Variants in TRPC4AP observed in about 807,000 individuals in gnomAD.
TRPC4AP encodes transient receptor potential cation channel subfamily C member 4 associated protein.
In TRPC4AP, 45 loss-of-function variants were observed where a neutral mutation model predicts 99.0. The observed-to-expected ratio is 0.45, with a 90% CI of 0.36 to 0.58. The LOEUF (loss-of-function observed/expected upper bound fraction) is 0.58. Among genes scored for constraint, TRPC4AP ranks in the 20% least tolerant of loss-of-function variants. The pLI is 0.00. For synonymous variants in TRPC4AP, 408 were observed against 385.8 expected, an observed-to-expected ratio of 1.06 and a Z score of -0.67; for missense variants, 879 against 985.3, an observed-to-expected ratio of 0.89 and a Z score of 1.44.
chr20:35,067,747 C>T (rs2084180767), intron 3 of TRPC4AP, among the ~76,000 whole-genome samples: 1 of 152,102 alleles, frequency 6.6e-6, no homozygotes, highest in African/African-American at 2.4e-5. Flanking sequence ...GAAAAGAAGC[C>T]AGTCACAAAA....
intron 3 of TRPC4AP, among the ~76,000 whole-genome samples, chr20:35,060,135 G>T (rs565637399): frequency 6.6e-6 from 1 of 152,220 alleles, no homozygotes; most frequent in Non-Finnish European, 1.5e-5. Context: ...CCAAAAAACA[G>T]AAGAGAAGGA....
At chr20:35,041,827 C>T (rs888270983) in intron 7 of TRPC4AP, among the ~76,000 whole-genome samples, 2 of 152,332 alleles carry the variant, frequency 1.3e-5, no homozygotes, top group African/African-American at 4.8e-5. Context: ...AGTTTCCTCA[C>T]ATGTGCAATG....
intron 1 of TRPC4AP, among the ~76,000 whole-genome samples, chr20:35,091,050 ATT>A (rs796861590): frequency 8.4e-5 from 12 of 143,262 alleles, no homozygotes; most frequent in Non-Finnish European, 9.2e-5. Flanking sequence ...TATTTCTAGG[ATT>A]TTTTTTTTTT....
At position 35,004,547 on chromosome 20, in the gene TRPC4AP, G is replaced by A. The variant is rs371612752; in HGVS notation, c.1960C>T (p.Arg654Cys). The part of the protein sequence containing the change: ...MKVAEVLSEC[R>C]LLAYISQVPT... ...ACCTGGGATATGTAGGCGAGCAGGC[G>A]GCATTCAGACAGTACCTCGGCAACT... Residue 654 changes from arginine (R) to cysteine (C), a missense_variant, in exon 17 of 19, where the codon CGC becomes TGC. Arg to Cys is a radical substitution (Grantham distance 180). This residue lies in a region of TRPC4AP where 224 missense variants were observed against 264.7 expected (regional missense o/e 0.85). Transcript: ENST00000252015. The A allele has an allele frequency of 4.3e-5, 69 of 1,613,862 alleles. No individual in the cohort carries two copies. Among genetic ancestry groups the A allele is most frequent in the South Asian group, 5.5e-5 (5 of 91,038 alleles).
chr20:35,022,051 G>A (rs1259871029), intron 8 of TRPC4AP, among the ~76,000 whole-genome samples: 2 of 152,170 alleles, frequency 1.3e-5, no homozygotes, highest in Non-Finnish European at 2.9e-5. Context: ...CTCCTCACTA[G>A]GCCTTAGACT....
chr20:35,039,180 A>T (rs1198080025), intron 7 of TRPC4AP, among the ~76,000 whole-genome samples: 1 of 152,234 alleles, frequency 6.6e-6, no homozygotes, highest in Non-Finnish European at 1.5e-5. Flanking sequence ...GTTCTCAGCA[A>T]AAATAGCTCC....
At position 35,057,415 on chromosome 20, in the gene TRPC4AP, A is replaced by G. The variant is rs958699104; in HGVS notation, c.472+99T>C. 4.3e-6 allele frequency: 4 copies of G among 940,260 alleles called. No homozygotes were observed. The African/African-American group carries it at 6.6e-5, about 16-fold the overall frequency. 58.2% of individuals were successfully genotyped at this position (940,260 alleles called of 1,614,324 possible). A position where few individuals can be genotyped will look rare whatever the true frequency, so the allele number is the denominator to read the frequency against. Reference sequence around the variant, plus strand: ...GCTAAATGTAAGACATGTCCTTACTATTAAGAGTTAGGAAGGGAAGGAAGA... The same window carrying G: ...GCTAAATGTAAGACATGTCCTTACTGTTAAGAGTTAGGAAGGGAAGGAAGA... On this transcript the variant is annotated intron_variant, in intron 4 of 18. Transcript: ENST00000252015.
At chr20:35,056,860 C>T (rs1291168308) in intron 4 of TRPC4AP, among the ~76,000 whole-genome samples, 1 of 151,284 alleles carries the variant, frequency 6.6e-6, no homozygotes, top group Non-Finnish European at 1.5e-5. Context: ...GTGGTGGGCG[C>T]CTGTAATCCC....
In TRPC4AP at chr20:35,004,533, G is replaced by A. The variant is rs1045804759; in HGVS notation, c.1974C>T (p.Tyr658=). ...EVLSECRLLA[Y]ISQVPTQMSF... ...ACATCTGCGTGGGCACCTGGGATAT[G>A]TAGGCGAGCAGGCGGCATTCAGACA... The change falls in exon 17 of 19, where the codon TAC becomes TAT. Residue 658 remains tyrosine (Y), a synonymous_variant. Transcript: ENST00000252015. The A allele has an allele frequency of 1.9e-6, 3 of 1,614,042 alleles. No individual in the cohort carries two copies. Among genetic ancestry groups the A allele is most frequent in the East Asian group, 2.2e-5 (1 of 44,896 alleles).
chr20:35,092,585 G>GC, intron 1 of TRPC4AP, 29 bp downstream of exon 1: 1 of 460,490 alleles, frequency 2.2e-6, no homozygotes, highest in Non-Finnish European at 3.2e-6. Flanking sequence ...GGTCCGCCCC[G>GC]CCCCGCCCCT....
intron 6 of TRPC4AP, 77 bp from the exon 7 acceptor site, chr20:35,044,789 C>G (rs2083522279): frequency 7.0e-7 from 1 of 1,425,460 alleles, no homozygotes; most frequent in African/African-American, 1.4e-5. Context: ...TTCGCATCCC[C>G]TTACATACGG....
chr20:35,038,251 CAG>C (rs1245902475), intron 7 of TRPC4AP, among the ~76,000 whole-genome samples: 1 of 144,462 alleles, frequency 6.9e-6, no homozygotes, highest in Admixed American at 7.5e-5. Context: ...AATAATTACA[CAG>C]AAATAGATTT....
chr20:35,015,461 C>CTTTT (rs57896641), intron 10 of TRPC4AP, among the ~76,000 whole-genome samples: 29 of 126,114 alleles, frequency 2.3e-4, no homozygotes, highest in Non-Finnish European at 2.4e-4. Context: ...CAGGCAGGAA[C>CTTTT]TTTTTTTTTT....
intron 8 of TRPC4AP, among the ~76,000 whole-genome samples, chr20:35,026,295 G>A (rs1461736005): frequency 6.6e-6 from 1 of 151,588 alleles, no homozygotes; most frequent in Non-Finnish European, 1.5e-5. Flanking sequence ...GGTTACTGCA[G>A]CCTCAAACTC....
intron 2 of TRPC4AP, among the ~76,000 whole-genome samples, chr20:35,075,110 T>C (rs1442298118): frequency 1.3e-5 from 2 of 152,160 alleles, no homozygotes. Context: ...TCCACTTGCT[T>C]GGTAGATCTT....
intron 1 of TRPC4AP, among the ~76,000 whole-genome samples, chr20:35,089,830 A>G (rs1600680800): frequency 6.6e-6 from 1 of 152,300 alleles, no homozygotes; most frequent in Middle Eastern, 3.4e-3. Context: ...TGGGCAACAG[A>G]GCGAGACTCC....
intron 11 of TRPC4AP, among the ~76,000 whole-genome samples, chr20:35,012,261 G>A (rs2082655511): frequency 6.6e-6 from 1 of 152,228 alleles, no homozygotes; most frequent in African/African-American, 2.4e-5. Context: ...TAGCTCAAAT[G>A]CAAGGTTTTT....
intron 3 of TRPC4AP, among the ~76,000 whole-genome samples, chr20:35,062,834 A>C (rs1179929648): frequency 6.6e-6 from 1 of 152,242 alleles, no homozygotes; most frequent in Non-Finnish European, 1.5e-5. Flanking sequence ...ATATCTTTTA[A>C]ATGGGTGACT....
chr20:35,003,176 C>T lies in TRPC4AP; in HGVS notation c.2364G>A (p.Met788Ile), dbSNP rs1291819122. The change falls in exon 19 of 19, where the codon ATG becomes ATA. Residue 788 changes from methionine (M) to isoleucine (I), a missense_variant. Physicochemically the swap from Met to Ile is conservative, Grantham distance 10. Coordinates refer to ENST00000252015, the MANE Select transcript of TRPC4AP (RefSeq NM_015638.3). ...CCTCAGTGAAGTCCCTGTCTATGTC[C>T]ATGTAGGGCTCCTCAATGTAGCTAA... ...ALVSYIEEPY[M>I]DIDRDFTEE 2 of 1,614,120 alleles carry T rather than the reference C, an allele frequency of 1.2e-6. No individual in the cohort carries two copies. Among genetic ancestry groups the T allele is most frequent in the Non-Finnish European group, 1.7e-6 (2 of 1,180,038 alleles).
Sources: gnomAD v4.1 joint callset for allele counts (sites outside exome capture counted in the v4.1 genomes callset) on GRCh38, gnomAD v4.1.1 for gene constraint, gnomAD v4.1.1 regional missense constraint, MANE v1.5 for transcripts, NCBI Gene and HGNC (gene_info 2026-07-23, HGNC 2026-07-21) for gene names.